Variants in SORCS1 observed in about 807,000 individuals in gnomAD.
The protein encoded by SORCS1 is sortilin related VPS10 domain containing receptor 1.
In SORCS1, 60 loss-of-function variants were observed where a neutral mutation model predicts 146.1. The observed-to-expected ratio is 0.41, with a 90% CI of 0.33 to 0.51. SORCS1 has a LOEUF of 0.51. SORCS1 is among the 20% of genes least tolerant of loss of function. SORCS1 has a pLI of 0.21. For missense variants in SORCS1, 1,352 were observed against 1,487.6 expected (o/e 0.91, Z 1.50); for synonymous variants, 637 against 584.0 (o/e 1.09, Z -1.31).
At chr10:106,999,178 A>G (rs1257472716) in intron 1 of SORCS1, among the ~76,000 whole-genome samples, 5 of 152,150 alleles carry the variant, frequency 3.3e-5, no homozygotes, top group South Asian at 2.1e-4. Flanking sequence ...TCTAACAACT[A>G]AAAACATACA....
At chr10:106,779,075 CTT>C (rs1860688990) in intron 3 of SORCS1, among the ~76,000 whole-genome samples, 1 of 149,558 alleles carries the variant, frequency 6.7e-6, no homozygotes, top group African/African-American at 2.4e-5. Context: ...CAGATGGAAA[CTT>C]AATATTATAA....
intron 5 of SORCS1, among the ~76,000 whole-genome samples, chr10:106,746,058 G>A (rs569951261): frequency 1.4e-4 from 21 of 152,190 alleles, no homozygotes; most frequent in African/African-American, 4.3e-4. Context: ...CAGAGACAAG[G>A]AAAGACGGAG....
At chr10:106,894,290 T>A in intron 2 of SORCS1, among the ~76,000 whole-genome samples, 1 of 151,486 alleles carries the variant, frequency 6.6e-6, no homozygotes, top group Admixed American at 6.6e-5. Context: ...TGTGTGTGTG[T>A]GTGTGTGTGT....
At chr10:107,033,691 T>C (rs1020053160) in intron 1 of SORCS1, among the ~76,000 whole-genome samples, 1 of 152,214 alleles carries the variant, frequency 6.6e-6, no homozygotes, top group African/African-American at 2.4e-5. Flanking sequence ...GATTAAATAC[T>C]CCCATTAACA....
At chr10:106,929,409 G>A (rs1953269019) in intron 2 of SORCS1, among the ~76,000 whole-genome samples, 1 of 151,832 alleles carries the variant, frequency 6.6e-6, no homozygotes, top group Non-Finnish European at 1.5e-5. Context: ...ATGTGAATTG[G>A]CCCATTAGGG....
chr10:106,881,089 A>AG (rs1950789848), intron 2 of SORCS1, among the ~76,000 whole-genome samples: 1 of 151,506 alleles, frequency 6.6e-6, no homozygotes, highest in African/African-American at 2.4e-5. Flanking sequence ...AAAAAAAAAA[A>AG]AAAAAAAAAG....
At chr10:106,942,341 T>C (rs1162370092) in intron 2 of SORCS1, among the ~76,000 whole-genome samples, 1 of 152,214 alleles carries the variant, frequency 6.6e-6, no homozygotes, top group African/African-American at 2.4e-5. Flanking sequence ...AGACCTCTTA[T>C]CTACCACTCA....
chr10:106,877,593 C>A (rs573834240), intron 2 of SORCS1, among the ~76,000 whole-genome samples: 1 of 152,066 alleles, frequency 6.6e-6, no homozygotes, highest in East Asian at 1.9e-4. Flanking sequence ...TGTTTGGTGA[C>A]AGGTGGGAAA....
intron 1 of SORCS1, among the ~76,000 whole-genome samples, chr10:107,051,440 A>T (rs1222553404): frequency 6.6e-6 from 1 of 152,190 alleles, no homozygotes; most frequent in African/African-American, 2.4e-5. Context: ...AGATGTTTAC[A>T]ATCCAGTGTG....
chr10:107,001,871 G>A (rs988400580), intron 1 of SORCS1, among the ~76,000 whole-genome samples: 2 of 152,162 alleles, frequency 1.3e-5, no homozygotes, highest in African/African-American at 4.8e-5. Flanking sequence ...GCTCTAAAAG[G>A]ATTCACACCA....
chr10:107,107,144 G>A (rs986181851), intron 1 of SORCS1, among the ~76,000 whole-genome samples: 1 of 152,204 alleles, frequency 6.6e-6, no homozygotes, highest in East Asian at 1.9e-4. Flanking sequence ...ACTGGGCAAT[G>A]GGTAGAGGCT....
chr10:106,923,711 T>C (rs543468278), intron 2 of SORCS1, among the ~76,000 whole-genome samples: 1 of 152,228 alleles, frequency 6.6e-6, no homozygotes, highest in Non-Finnish European at 1.5e-5. Flanking sequence ...TCTTACATGG[T>C]GTTGAACATC....
the SORCS1 span, among the ~76,000 whole-genome samples, chr10:107,174,689 C>T: frequency 6.6e-6 from 1 of 151,276 alleles, no homozygotes; most frequent in Non-Finnish European, 1.5e-5. Context: ...TTTTTAGGGC[C>T]CTTTAGAATT....
intron 1 of SORCS1, among the ~76,000 whole-genome samples, chr10:107,156,987 C>T (rs915861940): frequency 2.0e-5 from 3 of 152,192 alleles, no homozygotes; most frequent in African/African-American, 7.2e-5. Context: ...GTGGTTTAAA[C>T]AATGCCAAGA....
At chr10:106,635,027 G>A (rs1023476236) in intron 18 of SORCS1, among the ~76,000 whole-genome samples, 3 of 152,126 alleles carry the variant, frequency 2.0e-5, no homozygotes, top group East Asian at 3.8e-4. Flanking sequence ...TGAAATCCAC[G>A]TGATGATTCT....
intron 6 of SORCS1, among the ~76,000 whole-genome samples, chr10:106,723,400 C>CACAT (rs1483684439): frequency 6.6e-6 from 1 of 151,244 alleles, no homozygotes; most frequent in African/African-American, 2.4e-5. Flanking sequence ...ACGATGCACA[C>CACAT]ACACACACAC....
chr10:106,832,437 C>T (rs1226512483), intron 2 of SORCS1, among the ~76,000 whole-genome samples: 1 of 152,100 alleles, frequency 6.6e-6, no homozygotes, highest in East Asian at 1.9e-4. Context: ...GATCCACCCG[C>T]CTCAAACTCT....
chr10:106,855,441 T>A (rs902792412), intron 2 of SORCS1, among the ~76,000 whole-genome samples: 2 of 152,224 alleles, frequency 1.3e-5, no homozygotes, highest in Admixed American at 6.5e-5. Flanking sequence ...TACATTATTT[T>A]GCAGAAATTC....
intron 3 of SORCS1, among the ~76,000 whole-genome samples, chr10:106,789,704 C>G (rs1213523617): frequency 1.3e-5 from 2 of 152,258 alleles, no homozygotes; most frequent in Admixed American, 6.5e-5. Flanking sequence ...TTCCAGTCTT[C>G]TGATCCCTCC....
Sources: allele counts gnomAD v4.1 joint callset (sites outside exome capture counted in the v4.1 genomes callset), GRCh38; gene constraint gnomAD v4.1.1; transcripts MANE v1.5; gene names NCBI Gene and HGNC (gene_info 2026-07-23, HGNC 2026-07-21).